Variants in CPNE4 observed in about 807,000 individuals in gnomAD.
The protein encoded by CPNE4 is copine 4.
Under a neutral mutation model 67.9 loss-of-function variants are expected in CPNE4, and 25 were observed. The ratio of observed to expected loss-of-function variants is 0.37; its 90% CI spans 0.27 to 0.51. The LOEUF (loss-of-function observed/expected upper bound fraction) is 0.51. Among genes scored for constraint, CPNE4 ranks in the 20% least tolerant of loss-of-function variants. The probability of loss-of-function intolerance (pLI) is 0.93; values close to 1 mark genes in which losing one functional copy is unlikely to be tolerated. For missense variants in CPNE4, 464 were observed against 690.8 expected (o/e 0.67, Z 3.68); for synonymous variants, 242 against 244.9 (o/e 0.99, Z 0.11).
At chr3:131,865,789 A>T (rs1157213569) in intron 2 of CPNE4, among the ~76,000 whole-genome samples, 2 of 152,206 alleles carry the variant, frequency 1.3e-5, no homozygotes, top group African/African-American at 4.8e-5. Flanking sequence ...ATCCTAGTAC[A>T]TAGGTATTTA....
At chr3:131,786,263 T>G (rs565566185) in intron 2 of CPNE4, among the ~76,000 whole-genome samples, 2 of 152,266 alleles carry the variant, frequency 1.3e-5, no homozygotes, top group Admixed American at 1.3e-4. Flanking sequence ...TACATTTATG[T>G]TGTCTAGTAT....
At chr3:131,630,924 A>G (rs2079204543) in intron 7 of CPNE4, among the ~76,000 whole-genome samples, 1 of 152,190 alleles carries the variant, frequency 6.6e-6, no homozygotes, top group Non-Finnish European at 1.5e-5. Flanking sequence ...ACATCAGGGT[A>G]CCCTGAAGTT....
chr3:132,016,560 C>A (rs1463938511), intron 1 of CPNE4, among the ~76,000 whole-genome samples: 1 of 152,048 alleles, frequency 6.6e-6, no homozygotes, highest in African/African-American at 2.4e-5. Context: ...TCAGAGGAAC[C>A]CTGAGAGAGA....
At chr3:131,625,759 C>T (rs1250986662) in intron 7 of CPNE4, among the ~76,000 whole-genome samples, 2 of 152,084 alleles carry the variant, frequency 1.3e-5, no homozygotes, top group Admixed American at 1.3e-4. Context: ...TAAGAGATTG[C>T]CAAAAACAAT....
At chr3:131,681,571 T>C (rs781451755) in intron 6 of CPNE4, among the ~76,000 whole-genome samples, 2 of 152,190 alleles carry the variant, frequency 1.3e-5, no homozygotes, top group African/African-American at 2.4e-5. Flanking sequence ...TTTAGACCTT[T>C]GGGGGTTTGA....
chr3:131,786,755 T>A (rs986592456), intron 2 of CPNE4, among the ~76,000 whole-genome samples: 2 of 152,194 alleles, frequency 1.3e-5, no homozygotes, highest in African/African-American at 4.8e-5. Context: ...ATATGAAGAT[T>A]AAGTGAGAAT....
intron 1 of CPNE4, among the ~76,000 whole-genome samples, chr3:131,957,174 C>A (rs1175834619): frequency 6.6e-6 from 1 of 152,174 alleles, no homozygotes; most frequent in East Asian, 1.9e-4. Context: ...TAGCACATCC[C>A]ACTGGAGACC....
intron 2 of CPNE4, among the ~76,000 whole-genome samples, chr3:131,792,500 C>T (rs1432992787): frequency 6.6e-6 from 1 of 150,416 alleles, no homozygotes; most frequent in Admixed American, 6.7e-5. Context: ...AATGTTTATA[C>T]ATATACCTGA....
At chr3:131,799,337 G>T (rs1220526226) in intron 2 of CPNE4, among the ~76,000 whole-genome samples, 1 of 152,118 alleles carries the variant, frequency 6.6e-6, no homozygotes, top group East Asian at 1.9e-4. Context: ...TCTCATTTAA[G>T]ACGTGGCACC....
At position 131,708,995 on chromosome 3, in the gene CPNE4, T is replaced by TATATATATATAC. The variant is rs1366246304; in HGVS notation, c.361-9016_361-9015insGTATATATATAT. Among the ~76,000 whole-genome samples, 243 of 109,036 alleles carry TATATATATATAC rather than the reference T, an allele frequency of 2.2e-3. 4 individuals carry two copies. The highest frequency in any genetic ancestry group is 7.5e-3 in the East Asian group (28 of 3,752). 71.5% of individuals were successfully genotyped at this position (109,036 alleles called of 152,430 possible). A position where few individuals can be genotyped will look rare whatever the true frequency, so the allele number is the denominator to read the frequency against. On this transcript the variant is annotated intron_variant, in intron 3 of 15. Coordinates refer to ENST00000429747, the MANE Select transcript of CPNE4 (RefSeq NM_130808.3). ...ATATATATATATATATATATATATA[T>TATATATATATAC]ACATACACACATAATAATATAATAC...
At chr3:131,848,778 C>T (rs1274058350) in intron 2 of CPNE4, among the ~76,000 whole-genome samples, 1 of 151,448 alleles carries the variant, frequency 6.6e-6, no homozygotes. Flanking sequence ...TGCCCAAGCA[C>T]AAACCAGGCC....
rs79127364 is a variant in CPNE4 at position 131,999,241 on chromosome 3, TAAAAA to T, written c.-2+35321_-2+35325del. On this transcript the variant is annotated intron_variant, in intron 1 of 15. Coordinates refer to ENST00000429747, the MANE Select transcript of CPNE4 (RefSeq NM_130808.3). ...CTCAATTATAGGTATTTATCCAAGG[TAAAAA>T]AAAAAAAAAAAAAAAAAAGATAGCC... Among the ~76,000 whole-genome samples the T allele has an allele frequency of 4.8e-4, 47 of 98,816 alleles. 2 individuals are homozygous for T. The highest frequency in any genetic ancestry group is 2.0e-3 in the African/African-American group (37 of 18,690). 64.8% of individuals were successfully genotyped at this position (98,816 alleles called of 152,430 possible).
chr3:131,632,907 C>A (rs559373582), intron 7 of CPNE4, among the ~76,000 whole-genome samples: 1 of 152,174 alleles, frequency 6.6e-6, no homozygotes, highest in Admixed American at 6.5e-5. Context: ...GCACTTGCCC[C>A]AAGCACCCCA....
intron 2 of CPNE4, among the ~76,000 whole-genome samples, chr3:131,820,987 T>C (rs1177654214): frequency 6.6e-6 from 1 of 152,180 alleles, no homozygotes; most frequent in Admixed American, 6.5e-5. Context: ...TTCCCTTTCT[T>C]TCCATTTTTT....
At chr3:131,753,505 A>C (rs2082680499) in intron 2 of CPNE4, among the ~76,000 whole-genome samples, 1 of 152,164 alleles carries the variant, frequency 6.6e-6, no homozygotes, top group Non-Finnish European at 1.5e-5. Context: ...ATGTAGAAGA[A>C]ATTTAGGTAC....
chr3:131,590,767 T>G, intron 7 of CPNE4, among the ~76,000 whole-genome samples: 1 of 152,072 alleles, frequency 6.6e-6, no homozygotes, highest in East Asian at 1.9e-4. Flanking sequence ...GAAAATTTGG[T>G]GGGATGTTTT....
At chr3:131,657,441 T>C (rs2079999938) in intron 7 of CPNE4, among the ~76,000 whole-genome samples, 1 of 152,104 alleles carries the variant, frequency 6.6e-6, no homozygotes. Flanking sequence ...TTTTGAAAAT[T>C]ATACATTGAC....
intron 1 of CPNE4, among the ~76,000 whole-genome samples, chr3:131,910,366 C>T (rs1183558566): frequency 3.3e-5 from 5 of 152,166 alleles, no homozygotes; most frequent in Admixed American, 6.6e-5. Context: ...ACTGTTTCCT[C>T]TCCTTACCCC....
At chr3:131,992,913 G>T (rs1367982446) in intron 1 of CPNE4, among the ~76,000 whole-genome samples, 15 of 136,022 alleles carry the variant, frequency 1.1e-4, no homozygotes, top group African/African-American at 3.7e-4. Flanking sequence ...GGACACATTT[G>T]CTTCCCCTTC....
Sources: gnomAD v4.1 joint callset for allele counts (sites outside exome capture counted in the v4.1 genomes callset) on GRCh38, gnomAD v4.1.1 for gene constraint, MANE v1.5 for transcripts, NCBI Gene and HGNC (gene_info 2026-07-23, HGNC 2026-07-21) for gene names.